DAPP1: variants seen among roughly 807,000 people sequenced by gnomAD.
DAPP1 encodes dual adapter for phosphotyrosine and 3-phosphotyrosine and 3-phosphoinositide.
Under a neutral mutation model 41.5 loss-of-function variants are expected in DAPP1, and 20 were observed. The ratio of observed to expected loss-of-function variants is 0.48; its 90% CI spans 0.34 to 0.70. The LOEUF (loss-of-function observed/expected upper bound fraction) is 0.70. Among genes scored for constraint, DAPP1 ranks in the 30% least tolerant of loss-of-function variants. DAPP1 has a pLI of 0.01. For missense variants in DAPP1, 233 were observed against 333.4 expected, an observed-to-expected ratio of 0.70 and a Z score of 2.35; for synonymous variants, 113 against 116.2, an observed-to-expected ratio of 0.97 and a Z score of 0.18.
At chr4:99,817,409 T>A (rs1258115768) in intron 1 of DAPP1, among the ~76,000 whole-genome samples, 2 of 152,202 alleles carry the variant, frequency 1.3e-5, no homozygotes, top group Non-Finnish European at 2.9e-5. Flanking sequence ...AAAAGGACTG[T>A]GTTTCTGGTA....
At chr4:99,834,613 C>A (rs146406809) in intron 1 of DAPP1, among the ~76,000 whole-genome samples, 1 of 152,260 alleles carries the variant, frequency 6.6e-6, no homozygotes, top group Non-Finnish European at 1.5e-5. Context: ...AGGTACCACA[C>A]TTGAAAAAGA....
At chr4:99,852,182 A>G (rs1215551395) in intron 3 of DAPP1, among the ~76,000 whole-genome samples, 1 of 152,182 alleles carries the variant, frequency 6.6e-6, no homozygotes, top group Non-Finnish European at 1.5e-5. Context: ...GTGCTATTGC[A>G]TTCCCAGTAC....
chr4:99,826,716 G>A (rs1439901800), intron 1 of DAPP1, among the ~76,000 whole-genome samples: 1 of 152,186 alleles, frequency 6.6e-6, no homozygotes, highest in East Asian at 1.9e-4. Flanking sequence ...CCAAGCCCAT[G>A]TCCACTCCAG....
At chr4:99,841,646 G>A (rs78925949) in intron 3 of DAPP1, among the ~76,000 whole-genome samples, 1,665 of 152,252 alleles carry the variant, frequency 0.011, 39 homozygotes, top group African/African-American at 0.037. Flanking sequence ...CTCCTTTCCT[G>A]CTTGCATCCA....
chr4:99,848,055 G>A (rs1304433522), intron 3 of DAPP1, among the ~76,000 whole-genome samples: 2 of 151,570 alleles, frequency 1.3e-5, no homozygotes, highest in Non-Finnish European at 2.9e-5. Context: ...CTCATGATCC[G>A]CCCCCTCGGC....
At chr4:99,824,385 G>A (rs989959747) in intron 1 of DAPP1, among the ~76,000 whole-genome samples, 1 of 152,174 alleles carries the variant, frequency 6.6e-6, no homozygotes, top group African/African-American at 2.4e-5. Context: ...CGCTGATGAT[G>A]TACTTGCATT....
chr4:99,851,498 G>A (rs1723857993), intron 3 of DAPP1, among the ~76,000 whole-genome samples: 2 of 141,238 alleles, frequency 1.4e-5, no homozygotes, highest in Admixed American at 7.0e-5. Flanking sequence ...GACATTGTAT[G>A]TATTCAAGTA....
At chr4:99,845,886 A>G (rs959491638) in intron 3 of DAPP1, among the ~76,000 whole-genome samples, 3 of 152,250 alleles carry the variant, frequency 2.0e-5, no homozygotes, top group Non-Finnish European at 4.4e-5. Flanking sequence ...AGCTTGAGAG[A>G]GAAACTGAAA....
At chr4:99,844,859 C>T (rs918725578) in intron 3 of DAPP1, among the ~76,000 whole-genome samples, 4 of 152,192 alleles carry the variant, frequency 2.6e-5, no homozygotes, top group Non-Finnish European at 4.4e-5. Flanking sequence ...TGTGACACCA[C>T]CCAGGTGATA....
At chr4:99,839,386 T>C (rs944872091) in intron 2 of DAPP1, among the ~76,000 whole-genome samples, 14 of 145,194 alleles carry the variant, frequency 9.6e-5, no homozygotes, top group African/African-American at 3.1e-4. Flanking sequence ...TCTATAGATA[T>C]ATATAGATTA....
Position 99,816,949 on chromosome 4 carries a change from C to T in DAPP1, c.36C>T (p.Ser12=), listed in dbSNP as rs756086334. 5 of 1,609,108 alleles carry T rather than the reference C, an allele frequency of 3.1e-6. No individual in the cohort carries two copies. The African/African-American group carries it at 6.7e-5, about 22-fold the overall frequency. The change falls in exon 1 of 9, where the codon AGC becomes AGT. Residue 12 remains serine, a synonymous_variant. Transcript: ENST00000512369. ...GRAELLEGKM[S]TQDPSDLWSR... is the part of the protein sequence containing the mutation. ...CAGAACTTCTAGAAGGGAAGATGAG[C>T]ACCCAGGATCCCTCAGATCTGTGGA...
At chr4:99,849,717 T>C (rs1723789598) in intron 3 of DAPP1, among the ~76,000 whole-genome samples, 1 of 152,180 alleles carries the variant, frequency 6.6e-6, no homozygotes. Flanking sequence ...CAAGAGGGAA[T>C]TAAGTTTGCA....
At chr4:99,845,744 GA>G (rs1336804039) in intron 3 of DAPP1, among the ~76,000 whole-genome samples, 1 of 152,142 alleles carries the variant, frequency 6.6e-6, no homozygotes, top group African/African-American at 2.4e-5. Flanking sequence ...AATTATACCA[GA>G]GGAAACTTTA....
chr4:99,862,481 A>C (rs770281432), intron 5 of DAPP1, among the ~76,000 whole-genome samples: 15 of 152,150 alleles, frequency 9.9e-5, no homozygotes, highest in Non-Finnish European at 1.5e-4. Flanking sequence ...CCTAAACCTC[A>C]GTTTTGTTGT....
At chr4:99,861,727 C>T in intron 5 of DAPP1, 102 bp downstream of exon 5, 3 of 1,335,876 alleles carry the variant, frequency 2.2e-6, no homozygotes, top group South Asian at 1.3e-5. Flanking sequence ...GCATAATTGC[C>T]TGCTCATTTT....
chr4:99,839,913 T>C (rs1363845302), intron 2 of DAPP1, among the ~76,000 whole-genome samples: 17 of 152,100 alleles, frequency 1.1e-4, no homozygotes, highest in Non-Finnish European at 1.5e-5. Flanking sequence ...TATACAAAAA[T>C]TAGCCAGGCA....
At position 99,839,229 on chromosome 4, in the gene DAPP1, C is replaced by G. The variant is rs559027815; in HGVS notation, c.225-1060C>G. ...GGTGGAGGTGGCAGCAAGCTGGGTT[C>G]TCACAAGCCCATCAGATGATTCTGA... On this transcript the variant is annotated intron_variant, in intron 2 of 8. Coordinates refer to ENST00000512369, the MANE Select transcript of DAPP1 (RefSeq NM_014395.3). 1.3e-3 allele frequency among the ~76,000 whole-genome samples: 205 copies of G among 151,914 alleles called. 1 individual carries two copies. The highest frequency in any genetic ancestry group is 4.8e-3 in the African/African-American group (200 of 41,382).
chr4:99,863,267 T>C (rs1283144138), intron 6 of DAPP1, among the ~76,000 whole-genome samples, 195 bp downstream of exon 6: 2 of 152,130 alleles, frequency 1.3e-5, no homozygotes, highest in African/African-American at 4.8e-5. Context: ...AGAAATTGCT[T>C]TCTTGGATTG....
chr4:99,836,986 G>T (rs1271065184), intron 2 of DAPP1, among the ~76,000 whole-genome samples: 3 of 151,938 alleles, frequency 2.0e-5, no homozygotes, highest in Non-Finnish European at 4.4e-5. Context: ...TTTCCTTTTA[G>T]CTGTCAGCCA....
Sources: gnomAD v4.1 joint callset for allele counts (sites outside exome capture counted in the v4.1 genomes callset) on GRCh38, gnomAD v4.1.1 for gene constraint, MANE v1.5 for transcripts, NCBI Gene and HGNC (gene_info 2026-07-23, HGNC 2026-07-21) for gene names.